The following PAX8 variants were observed in gnomAD, a reference collection of about 807,000 sequenced individuals.
PAX8 encodes paired box protein Pax-8.
A neutral mutation model predicts 52.4 loss-of-function variants in PAX8; 15 were observed. The ratio of observed to expected loss-of-function variants is 0.29; its 90% confidence interval spans 0.19 to 0.44. The LOEUF is 0.44. Among genes scored for constraint, PAX8 ranks in the 20% least tolerant of loss-of-function variants. The pLI is 1.00. For missense variants in PAX8, 554 were observed against 602.5 expected (o/e 0.92, Z 0.84); for synonymous variants, 284 against 249.7 (o/e 1.14, Z -1.29).
At position 113,235,521 on chromosome 2, in the gene PAX8, G is replaced by C. The variant is rs758857856; in HGVS notation, c.960C>G (p.Thr320=). The change falls in exon 9 of 12, where the codon ACC becomes ACG. Residue 320 remains threonine (T), a synonymous_variant. Coordinates refer to ENST00000429538, the MANE Select transcript of PAX8 (RefSeq NM_003466.4). ...ETPEVSSSSS[T]PSSLSSSAFL... ...AGGCGGAGCTAGATAAAGAGGAAGG[G>C]GTGGAGCTAGAACTGGACACCTCGG... The C allele has an allele frequency of 1.5e-5, 24 of 1,613,826 alleles. No individual in the cohort carries two copies. The highest frequency in any genetic ancestry group is 1.7e-6 in the Non-Finnish European group (2 of 1,179,864).
chr2:113,234,406 C>T (rs1690113864), intron 9 of PAX8, among the ~76,000 whole-genome samples: 1 of 152,262 alleles, frequency 6.6e-6, no homozygotes, highest in Non-Finnish European at 1.5e-5. Flanking sequence ...GATGGTGCTC[C>T]TGCCCAGAGA....
In PAX8 at chr2:113,217,459, A is replaced by C. The variant is rs1283389679; in HGVS notation, c.*1074T>G. 8.7e-6 allele frequency: 2 copies of C among 229,204 alleles called. No homozygotes were observed. Among genetic ancestry groups the C allele is most frequent in the Non-Finnish European group, 1.7e-5 (2 of 115,450 alleles). The allele number at this position is 229,204 out of a possible 1,614,324, so 14.2% of individuals were successfully genotyped here. A position where few individuals can be genotyped will look rare whatever the true frequency, so the allele number is the denominator to read the frequency against. Reference sequence around the variant, plus strand: ...GAGAAGCCCCACAGGGCAAAGAGAGACATTTCACTCAGAGGCCAAAGTCTG... The same window carrying C: ...GAGAAGCCCCACAGGGCAAAGAGAGCCATTTCACTCAGAGGCCAAAGTCTG... On this transcript the variant is annotated 3_prime_UTR_variant, in exon 12 of 12. Coordinates refer to ENST00000429538, the MANE Select transcript of PAX8 (RefSeq NM_003466.4).
chr2:113,242,225 C>T (rs1378745510), intron 5 of PAX8, 95 bp from the exon 6 acceptor site: 1 of 1,078,408 alleles, frequency 9.3e-7, no homozygotes, highest in Admixed American at 1.9e-5. Flanking sequence ...CTGGGGACTG[C>T]AGGGGCTGGG....
chr2:113,265,477 G>C (rs1162310184), intron 2 of PAX8: 1 of 152,488 alleles, frequency 6.6e-6, no homozygotes, highest in Non-Finnish European at 1.5e-5. Context: ...TTCCCTCAGG[G>C]CTGACTGCTG....
intron 9 of PAX8, among the ~76,000 whole-genome samples, chr2:113,229,671 C>T (rs996017459): frequency 1.3e-5 from 2 of 152,190 alleles, no homozygotes; most frequent in African/African-American, 4.8e-5. Context: ...GATATTTAGA[C>T]GCAGAGGGAG....
At chr2:113,261,816 T>G (rs1692701771) in intron 2 of PAX8, among the ~76,000 whole-genome samples, 1 of 151,334 alleles carries the variant, frequency 6.6e-6, no homozygotes, top group Non-Finnish European at 1.5e-5. Context: ...CCCTGAAAGA[T>G]TTTAGGTTTT....
intron 5 of PAX8, 61 bp from the exon 6 acceptor site, chr2:113,242,191 G>T (rs1378805845): frequency 4.6e-6 from 7 of 1,511,756 alleles, no homozygotes; most frequent in Non-Finnish European, 6.4e-6. Flanking sequence ...AGCCCTGGGT[G>T]ACTCTGGGGT....
At chr2:113,261,136 A>G (rs897112935) in intron 2 of PAX8, among the ~76,000 whole-genome samples, 2 of 152,126 alleles carry the variant, frequency 1.3e-5, no homozygotes, top group Non-Finnish European at 2.9e-5. Context: ...ACTGCTGCAG[A>G]AGAAAAGGGG....
At chr2:113,223,457 G>T (rs1272701494) in intron 10 of PAX8, among the ~76,000 whole-genome samples, 1 of 152,080 alleles carries the variant, frequency 6.6e-6, no homozygotes, top group African/African-American at 2.4e-5. Context: ...TTTCTCTCTT[G>T]ACTATGTACA....
chr2:113,275,653 T>C (rs567815285), intron 2 of PAX8: 1 of 152,336 alleles, frequency 6.6e-6, no homozygotes, highest in South Asian at 2.1e-4. Flanking sequence ...TACAAAACTC[T>C]CTTCCTCATT....
chr2:113,228,206 T>C (rs1264618419), intron 9 of PAX8, among the ~76,000 whole-genome samples: 1 of 152,186 alleles, frequency 6.6e-6, no homozygotes, highest in East Asian at 1.9e-4. Context: ...CCTGCCCCTC[T>C]TCTATTGCTC....
intron 2 of PAX8, chr2:113,273,579 A>T (rs888936324): frequency 5.9e-5 from 9 of 152,214 alleles, no homozygotes; most frequent in African/African-American, 2.2e-4. Flanking sequence ...ACATAATTTG[A>T]TATGAATATT....
intron 2 of PAX8, chr2:113,274,510 C>T (rs1693673399): frequency 6.6e-6 from 1 of 152,208 alleles, no homozygotes; most frequent in African/African-American, 2.4e-5. Context: ...CAGCTACCTT[C>T]TCCCTTTCTT....
intron 2 of PAX8, among the ~76,000 whole-genome samples, chr2:113,260,102 C>T (rs1692558026): frequency 6.6e-6 from 1 of 152,194 alleles, no homozygotes; most frequent in South Asian, 2.1e-4. Flanking sequence ...TGAGCACCTA[C>T]TCTGTGTCTA....
intron 2 of PAX8, among the ~76,000 whole-genome samples, chr2:113,260,706 A>G (rs1021270656): frequency 2.6e-5 from 4 of 152,196 alleles, no homozygotes; most frequent in African/African-American, 7.2e-5. Context: ...TCACCCGGAC[A>G]GTTGAACTAA....
intron 1 of PAX8, 80 bp from the exon 2 acceptor site, chr2:113,278,549 C>A: frequency 1.7e-6 from 2 of 1,201,658 alleles, no homozygotes; most frequent in Non-Finnish European, 2.4e-6. Context: ...CAGGCCTCAT[C>A]CTTTACACCT....
At chr2:113,274,720 A>G (rs967054826) in intron 2 of PAX8, 3 of 152,234 alleles carry the variant, frequency 2.0e-5, no homozygotes, top group Non-Finnish European at 2.9e-5. Context: ...CAGAACAAGG[A>G]TGACTATTAG....
At chr2:113,256,555 A>G (rs951074894) in intron 2 of PAX8, among the ~76,000 whole-genome samples, 1 of 147,764 alleles carries the variant, frequency 6.8e-6, no homozygotes, top group Non-Finnish European at 1.5e-5. Flanking sequence ...TCAGTCCCTC[A>G]TATATTCTAT....
At chr2:113,275,511 AG>A (rs1012100478) in intron 2 of PAX8, 1 of 152,216 alleles carries the variant, frequency 6.6e-6, no homozygotes, top group African/African-American at 2.4e-5. Flanking sequence ...ATCTCACATC[AG>A]GGAAGTTAGA....
Sources: gnomAD v4.1 joint callset for allele counts (sites outside exome capture counted in the v4.1 genomes callset) on GRCh38, gnomAD v4.1.1 for gene constraint, MANE v1.5 for transcripts, NCBI Gene and HGNC (gene_info 2026-07-23, HGNC 2026-07-21) for gene names.